Variants in MAP3K5 observed in about 807,000 individuals in gnomAD.
The protein encoded by MAP3K5 is mitogen-activated protein kinase kinase kinase 5.
Under a neutral mutation model 158.7 loss-of-function variants are expected in MAP3K5, and 56 were observed. The ratio of observed to expected loss-of-function variants is 0.35; its 90% CI spans 0.28 to 0.44. The LOEUF is 0.44. Among genes scored for constraint, MAP3K5 ranks in the 20% least tolerant of loss-of-function variants. The pLI is 1.00. For synonymous variants in MAP3K5, 579 were observed against 601.7 expected, an observed-to-expected ratio of 0.96 and a Z score of 0.55; for missense variants, 1,294 against 1,674.8, an observed-to-expected ratio of 0.77 and a Z score of 3.97.
At chr6:136,712,518 A>ACTC (rs899843388) in intron 2 of MAP3K5, among the ~76,000 whole-genome samples, 3 of 152,040 alleles carry the variant, frequency 2.0e-5, no homozygotes, top group African/African-American at 7.2e-5. Flanking sequence ...ATTATAATTA[A>ACTC]CTTCTTCTTC....
Position 136,792,002 on chromosome 6 carries a change from G to C in MAP3K5, c.156C>G (p.Gly52=). 2 of 1,591,006 alleles carry C rather than the reference G, an allele frequency of 1.3e-6. No individual in the cohort carries two copies. Among genetic ancestry groups the C allele is most frequent in the Non-Finnish European group, 1.7e-6 (2 of 1,172,664 alleles). Residue 52 remains glycine (G), a synonymous_variant, in exon 1 of 30, where the codon GGC becomes GGG. Coordinates refer to ENST00000359015, the MANE Select transcript of MAP3K5 (RefSeq NM_005923.4). This position sits in a 1 kb window ranked among gnomAD's most constrained non-coding sequence, Gnocchi z 5.7. Reference sequence around the variant, plus strand: ...CGGCGCTCTCCACGTTCCAGAAGCTGCCCGGCGGCGGCGGTGGCAGCTGGT... The same window carrying C: ...CGGCGCTCTCCACGTTCCAGAAGCTCCCCGGCGGCGGCGGTGGCAGCTGGT... ...EEHQLPPPPP[G]SFWNVESAAA...
chr6:136,622,197 G>GA (rs971956673), intron 15 of MAP3K5, among the ~76,000 whole-genome samples: 10 of 152,190 alleles, frequency 6.6e-5, no homozygotes, highest in African/African-American at 2.4e-4. Context: ...CAAAACTCAT[G>GA]AAAGTGTGAC....
chr6:136,630,998 C>T (rs1777322230), intron 14 of MAP3K5, among the ~76,000 whole-genome samples: 1 of 152,152 alleles, frequency 6.6e-6, no homozygotes. Context: ...ACTCAGAAGG[C>T]TGAGGTGGGA....
chr6:136,586,333 G>A (rs1388860781), intron 23 of MAP3K5, among the ~76,000 whole-genome samples: 1 of 152,196 alleles, frequency 6.6e-6, no homozygotes, highest in Non-Finnish European at 1.5e-5. Context: ...ACTTCAAATG[G>A]CAAACTTTTT....
rs145735047 is a variant in MAP3K5 at position 136,698,529 on chromosome 6, G to A, written c.766C>T (p.Arg256Cys). The stretch of plus-strand genomic sequence containing the variant: ...GCCACCTTCAAAAGTTGAATAAAAC[G>A]ATCCACAAGAGGTAAGCAGATGGGT... ...LGPICLPLVDRFIQLLKVAQA... is the reference protein window; with the variant it reads ...LGPICLPLVDCFIQLLKVAQA... Residue 256 changes from arginine to cysteine, a missense_variant, in exon 4 of 30, where the codon CGT becomes TGT. By Grantham distance (180) the Arg-to-Cys change is radical. Coordinates refer to ENST00000359015, the MANE Select transcript of MAP3K5 (RefSeq NM_005923.4). 3.1e-6 allele frequency: 5 copies of A among 1,613,876 alleles called. No homozygotes were observed. The highest frequency in any genetic ancestry group is 1.3e-5 in the African/African-American group (1 of 75,034).
chr6:136,568,445 C>T (rs944823710), intron 25 of MAP3K5, among the ~76,000 whole-genome samples: 1 of 152,222 alleles, frequency 6.6e-6, no homozygotes. Context: ...CTCTCTTTGA[C>T]TATTGGGCCG....
chr6:136,680,487 T>C (rs1323337063), intron 7 of MAP3K5, among the ~76,000 whole-genome samples: 4 of 152,236 alleles, frequency 2.6e-5, no homozygotes, highest in Admixed American at 6.5e-5. Flanking sequence ...ATGAACACCA[T>C]TGCAGATCTT....
At chr6:136,716,449 G>C (rs927150172) in intron 2 of MAP3K5, among the ~76,000 whole-genome samples, 1 of 152,142 alleles carries the variant, frequency 6.6e-6, no homozygotes. Flanking sequence ...GAACATAGAG[G>C]AGCTGAGGAA....
chr6:136,651,895 T>C (rs1375183986), intron 10 of MAP3K5, among the ~76,000 whole-genome samples: 3 of 152,158 alleles, frequency 2.0e-5, no homozygotes. Flanking sequence ...TATGATTCAT[T>C]ATCTACTTGT....
intron 9 of MAP3K5, 51 bp downstream of exon 9, chr6:136,659,168 C>T: frequency 7.1e-7 from 1 of 1,416,498 alleles, no homozygotes. Context: ...AATATGGGAA[C>T]AATATGGAGC....
chr6:136,585,071 C>G (rs1283232391), intron 23 of MAP3K5, among the ~76,000 whole-genome samples: 2 of 151,588 alleles, frequency 1.3e-5, no homozygotes, highest in African/African-American at 4.8e-5. Context: ...AATGTTCAAA[C>G]AAATGCTCTT....
chr6:136,734,420 G>T (rs1002115038), intron 1 of MAP3K5, among the ~76,000 whole-genome samples: 1 of 53,134 alleles, frequency 1.9e-5, no homozygotes, highest in African/African-American at 1.4e-4. Context: ...ACTCTGTCTC[G>T]GAAAAAAAAA....
intron 1 of MAP3K5, among the ~76,000 whole-genome samples, chr6:136,737,035 G>GCA (rs1554308004): frequency 2.5e-5 from 3 of 118,720 alleles, no homozygotes; most frequent in South Asian, 4.6e-4. Flanking sequence ...ATATATGTGT[G>GCA]TGTATATATA....
chr6:136,648,988 G>A (rs1283143832), intron 11 of MAP3K5, among the ~76,000 whole-genome samples: 1 of 152,146 alleles, frequency 6.6e-6, no homozygotes, highest in Non-Finnish European at 1.5e-5. Context: ...TTTATTTTTT[G>A]AGATAGAGTC....
At chr6:136,762,134 G>A (rs1049594272) in intron 1 of MAP3K5, among the ~76,000 whole-genome samples, 4 of 152,108 alleles carry the variant, frequency 2.6e-5, no homozygotes, top group Non-Finnish European at 5.9e-5. Context: ...TTTTAGCAGA[G>A]AACAACACTG....
chr6:136,639,929 C>T (rs760149648), intron 12 of MAP3K5, among the ~76,000 whole-genome samples: 4 of 152,186 alleles, frequency 2.6e-5, no homozygotes, highest in Admixed American at 6.5e-5. Flanking sequence ...GGTGTCCTGC[C>T]TACTACACTA....
rs530212886 is a variant in MAP3K5 at position 136,627,514 on chromosome 6, G to A, written c.2017-4533C>T. Among the ~76,000 whole-genome samples the A allele has an allele frequency of 3.5e-4, 54 of 152,172 alleles. No homozygotes were observed. In the South Asian group the frequency reaches 7.5e-3, roughly 21 times the overall value. ...ATGTTTGCGTACCCCCCTCTTCAGC[G>A]CCCTCAAAATCTGTATGTTGAAACC... is the stretch of plus-strand genomic sequence containing the variant. On this transcript the variant is annotated intron_variant, in intron 14 of 29. Coordinates refer to ENST00000359015, the MANE Select transcript of MAP3K5 (RefSeq NM_005923.4).
At chr6:136,572,518 A>G (rs912868095) in intron 25 of MAP3K5, among the ~76,000 whole-genome samples, 2 of 152,332 alleles carry the variant, frequency 1.3e-5, no homozygotes, top group East Asian at 1.9e-4. Context: ...CGGCCTCCCA[A>G]AGTGCTGGGA....
Position 136,567,770 on chromosome 6 carries a change from G to A in MAP3K5, c.3622C>T (p.Arg1208Ter), listed in dbSNP as rs1774184223. The A allele has an allele frequency of 6.2e-7, 1 of 1,613,996 alleles. No individual in the cohort carries two copies. The highest frequency in any genetic ancestry group is 8.5e-7 in the Non-Finnish European group (1 of 1,179,988). ...TCTTCAATGACAGCCTGAGGTCTTC[G>A]GACAGTTTGATTTGAAGGCTGTTCC... ...HEEQPSNQTV[R>*]RPQAVIEDAV... Residue 1208 changes from arginine (R) to a stop codon, truncating the protein, a stop_gained, in exon 26 of 30, where the codon CGA becomes TGA. Transcript: ENST00000359015. LOFTEE classifies it high-confidence loss of function.
Sources: allele counts gnomAD v4.1 joint callset (sites outside exome capture counted in the v4.1 genomes callset), GRCh38; gene constraint gnomAD v4.1.1; non-coding constraint Gnocchi (gnomAD v3.1); transcripts MANE v1.5; gene names NCBI Gene and HGNC (gene_info 2026-07-23, HGNC 2026-07-21).